KIF13B: variants seen among roughly 807,000 people sequenced by gnomAD.
KIF13B encodes kinesin-like protein KIF13B.
A neutral mutation model predicts 222.0 loss-of-function variants in KIF13B; 127 were observed. That is an observed-to-expected ratio of 0.57 (90% CI 0.50 to 0.66). KIF13B has a LOEUF of 0.66. Ranked by LOEUF, KIF13B falls within the 30% of genes least tolerant of loss-of-function variation. KIF13B has a pLI of 0.00. For missense variants in KIF13B, 2,173 were observed against 2,379.0 expected, an observed-to-expected ratio of 0.91 and a Z score of 1.80; for synonymous variants, 976 against 919.0, an observed-to-expected ratio of 1.06 and a Z score of -1.12.
chr8:29,097,500 A>ATC (rs1808587796), intron 36 of KIF13B, among the ~76,000 whole-genome samples: 1 of 152,204 alleles, frequency 6.6e-6, no homozygotes, highest in Non-Finnish European at 1.5e-5. Context: ...ACCTAATTAG[A>ATC]TATACATAGA....
At chr8:29,191,450 A>G (rs1237495655) in intron 3 of KIF13B, among the ~76,000 whole-genome samples, 1 of 152,242 alleles carries the variant, frequency 6.6e-6, no homozygotes, top group East Asian at 1.9e-4. Flanking sequence ...TGCTCACTAT[A>G]GCATGTCCAA....
At chr8:29,157,094 C>T (rs1448109737) in intron 13 of KIF13B, among the ~76,000 whole-genome samples, 5 of 151,942 alleles carry the variant, frequency 3.3e-5, no homozygotes, top group Non-Finnish European at 7.4e-5. Context: ...GATTTTTCCT[C>T]CAAGGTCTAT....
chr8:29,142,881 T>A (rs1280007771), intron 18 of KIF13B, among the ~76,000 whole-genome samples: 1 of 150,270 alleles, frequency 6.7e-6, no homozygotes, highest in African/African-American at 2.4e-5. Flanking sequence ...AGAGACAGCA[T>A]CTCACTCTGT....
At chr8:29,101,503 A>G (rs1236377997) in intron 35 of KIF13B, among the ~76,000 whole-genome samples, 1 of 152,178 alleles carries the variant, frequency 6.6e-6, no homozygotes, top group Non-Finnish European at 1.5e-5. Flanking sequence ...CCCAAGGCAC[A>G]CCCAGGCCCC....
At position 29,071,958 on chromosome 8, in the gene KIF13B, A is replaced by G; in HGVS notation, c.4880T>C (p.Leu1627Pro). The change falls in exon 39 of 40, where the codon CTC (leucine) becomes CCC (proline). Residue 1627 changes from leucine (L) to proline (P), a missense_variant. Physicochemically the swap from Leu to Pro is moderately conservative, Grantham distance 98 (BLOSUM62 -3). Coordinates refer to ENST00000524189, the MANE Select transcript of KIF13B (RefSeq NM_015254.4). This position sits in a 1 kb window ranked among gnomAD's most constrained non-coding sequence, Gnocchi z 4.9. ...GGGGCGCTCCCGACCGGGGCTCACG[A>G]GCTGCTGGGGGCCAGGGGGCTCCTC... ...PAEEPPGPQQLVSPGRERPDL... is the reference protein window; with the variant it reads ...PAEEPPGPQQPVSPGRERPDL... The G allele has an allele frequency of 3.0e-6, 4 of 1,353,258 alleles. No individual in the cohort carries two copies. Among genetic ancestry groups the G allele is most frequent in the Non-Finnish European group, 2.8e-6 (3 of 1,059,230 alleles). The allele number at this position is 1,353,258 out of a possible 1,614,324, so 83.8% of individuals were successfully genotyped here.
chr8:29,090,704 T>A (rs1808259239), intron 37 of KIF13B, among the ~76,000 whole-genome samples: 1 of 152,050 alleles, frequency 6.6e-6, no homozygotes, highest in South Asian at 2.1e-4. Flanking sequence ...ACTTTATGTA[T>A]TTTTATTTTT....
At chr8:29,089,418 G>A (rs1400495593) in intron 37 of KIF13B, among the ~76,000 whole-genome samples, 2 of 151,990 alleles carry the variant, frequency 1.3e-5, no homozygotes, top group East Asian at 1.9e-4. Context: ...CAGACTGGGC[G>A]ACATACCAAG....
In KIF13B at chr8:29,132,314, C is replaced by T. The variant is rs768092145; in HGVS notation, c.2936G>A (p.Arg979Gln). 6.6e-6 allele frequency: 10 copies of T among 1,524,116 alleles called. No homozygotes were observed. Among genetic ancestry groups the T allele is most frequent in the Non-Finnish European group, 6.2e-6 (7 of 1,136,062 alleles). 94.4% of individuals were successfully genotyped at this position (1,524,116 alleles called of 1,614,324 possible). ...GIIQAKTRSL[R>Q]DRWSEVTRKL... Reference sequence around the variant, plus strand: ...ATGAACATCTAATATTCACCTGTCCCGAAGACTACGTGTCTTTGCTTGGAT... The same window carrying T: ...ATGAACATCTAATATTCACCTGTCCTGAAGACTACGTGTCTTTGCTTGGAT... The change falls in exon 23 of 40, where the codon CGG becomes CAG. Residue 979 changes from arginine (R) to glutamine (Q), a missense_variant. By Grantham distance (43) the Arg-to-Gln change is conservative (BLOSUM62 1). This residue lies in a region of KIF13B where 1,480 missense variants were observed against 1,722.8 expected (regional missense o/e 0.86). Coordinates refer to ENST00000524189, the MANE Select transcript of KIF13B (RefSeq NM_015254.4).
intron 2 of KIF13B, among the ~76,000 whole-genome samples, chr8:29,225,727 G>A (rs1293928655): frequency 2.6e-5 from 4 of 152,114 alleles, no homozygotes; most frequent in African/African-American, 9.7e-5. Context: ...AAGAATGTTC[G>A]TCTGGGCAGG....
intron 9 of KIF13B, among the ~76,000 whole-genome samples, chr8:29,176,738 T>C (rs1812495642): frequency 6.6e-6 from 1 of 152,066 alleles, no homozygotes; most frequent in Non-Finnish European, 1.5e-5. Flanking sequence ...ACCCCTCCCA[T>C]GAAAAGAATT....
At chr8:29,215,759 G>C (rs1453317506) in intron 2 of KIF13B, among the ~76,000 whole-genome samples, 1 of 152,152 alleles carries the variant, frequency 6.6e-6, no homozygotes, top group East Asian at 1.9e-4. Context: ...AGAAAGCAAC[G>C]GGAATCTTTG....
Position 29,196,310 on chromosome 8 carries a change from A to C in KIF13B, c.150-111T>G, listed in dbSNP as rs1813420709. 8 of 860,568 alleles carry C rather than the reference A, an allele frequency of 9.3e-6. No individual in the cohort carries two copies. The East Asian group carries it at 2.1e-4, about 23-fold the overall frequency. 53.3% of individuals were successfully genotyped at this position (860,568 alleles called of 1,614,324 possible). On this transcript the variant is annotated intron_variant, in intron 2 of 39. Transcript: ENST00000524189. ...AGGGTAAAATAATAAACATTATGTA[A>C]ATTCACAGTAAGAATATAAAATAAT...
intron 21 of KIF13B, among the ~76,000 whole-genome samples, chr8:29,138,344 A>G (rs957311339): frequency 6.6e-6 from 1 of 152,170 alleles, no homozygotes; most frequent in African/African-American, 2.4e-5. Flanking sequence ...CAAAAATAAA[A>G]TAAATAAATA....
intron 16 of KIF13B, 65 bp downstream of exon 16, chr8:29,148,512 C>A: frequency 1.6e-6 from 2 of 1,240,424 alleles, no homozygotes; most frequent in East Asian, 2.7e-5. Flanking sequence ...TGGGCTCAAG[C>A]GATCTCCCCA....
At position 29,181,925 on chromosome 8, in the gene KIF13B, G is replaced by A. The variant is rs773945118; in HGVS notation, c.579C>T (p.Ser193=). 2.5e-6 allele frequency: 4 copies of A among 1,612,088 alleles called. No homozygotes were observed. The highest frequency in any genetic ancestry group is 2.2e-5 in the South Asian group (2 of 90,968). ...VDGLSKLAVT[S]YKDIESLMSE... ...ACATACAGGATGTTGTTACCTTGTA[G>A]CTTGTGACAGCCAGTTTAGAAAGTC... The change falls in exon 7 of 40, where the codon AGC becomes AGT. Residue 193 remains serine (S), a synonymous_variant. Coordinates refer to ENST00000524189, the MANE Select transcript of KIF13B (RefSeq NM_015254.4).
At chr8:29,085,574 G>A (rs1586755422) in intron 37 of KIF13B, among the ~76,000 whole-genome samples, 1 of 150,872 alleles carries the variant, frequency 6.6e-6, no homozygotes, top group East Asian at 1.9e-4. Flanking sequence ...GTCTTGTTAT[G>A]TTGCCCAGGC....
chr8:29,090,057 T>C (rs1313082651), intron 37 of KIF13B, among the ~76,000 whole-genome samples: 1 of 152,092 alleles, frequency 6.6e-6, no homozygotes, highest in Non-Finnish European at 1.5e-5. Flanking sequence ...CCTGGGTGGG[T>C]GGCAGGGCCA....
chr8:29,082,950 C>A (rs895536167), intron 37 of KIF13B, among the ~76,000 whole-genome samples: 4 of 152,170 alleles, frequency 2.6e-5, no homozygotes, highest in African/African-American at 7.2e-5. Context: ...CATAGGGAGA[C>A]CCCGTCTCTA....
chr8:29,212,288 T>C (rs1246105063), intron 2 of KIF13B, among the ~76,000 whole-genome samples: 2 of 152,168 alleles, frequency 1.3e-5, no homozygotes, highest in Admixed American at 1.3e-4. Flanking sequence ...TTTTCCAAAG[T>C]GTATATACCA....
Sources: gnomAD v4.1 joint callset for allele counts (sites outside exome capture counted in the v4.1 genomes callset) on GRCh38, gnomAD v4.1.1 for gene constraint, gnomAD v4.1.1 regional missense constraint, Gnocchi (gnomAD v3.1) non-coding constraint, MANE v1.5 for transcripts, NCBI Gene and HGNC (gene_info 2026-07-23, HGNC 2026-07-21) for gene names.